The following ERC1 variants were observed in gnomAD, a reference collection of about 807,000 sequenced individuals.
The protein encoded by ERC1 is ELKS/RAB6-interacting/CAST family member 1.
ERC1 carries 56 observed loss-of-function variants against 132.0 expected under a neutral mutation model. That is an observed-to-expected ratio of 0.42 (90% confidence interval 0.34 to 0.53). The LOEUF (loss-of-function observed/expected upper bound fraction) is 0.53, where lower values mean the gene tolerates loss of function less well. Ranked by LOEUF, ERC1 falls within the 20% of genes least tolerant of loss-of-function variation. ERC1 has a pLI of 0.03. For missense variants in ERC1, 1,202 were observed against 1,349.9 expected (o/e 0.89, Z 1.72); for synonymous variants, 478 against 476.1 (o/e 1.00, Z -0.05).
In ERC1 at chr12:1,160,953, C is replaced by T. The variant is rs560481919; in HGVS notation, c.1737+19166C>T. On this transcript the variant is annotated intron_variant, in intron 8 of 18. Transcript: ENST00000360905. The stretch of plus-strand genomic sequence containing the variant: ...TGAACCACCTCAGGACCACCACCTA[C>T]ACATATTTTCCTAGCGTTCTAAGCA... Among the ~76,000 whole-genome samples the T allele has an allele frequency of 1.5e-4, 23 of 152,310 alleles. No individual in the cohort carries two copies. The South Asian group carries it at 3.3e-3, about 22-fold the overall frequency.
At chr12:1,139,771 C>T (rs555703146) in intron 7 of ERC1, among the ~76,000 whole-genome samples, 2 of 145,188 alleles carry the variant, frequency 1.4e-5, no homozygotes, top group Non-Finnish European at 3.0e-5. Context: ...GAAAACAAAA[C>T]AAAACAAAAA....
intron 4 of ERC1, among the ~76,000 whole-genome samples, chr12:1,106,350 ACTT>A (rs987890430): frequency 6.6e-5 from 10 of 152,216 alleles, no homozygotes; most frequent in African/African-American, 2.4e-4. Flanking sequence ...CCCCACAACT[ACTT>A]CTTCATATCC....
chr12:1,353,204 G>A (rs2085193799), intron 15 of ERC1, among the ~76,000 whole-genome samples: 1 of 151,830 alleles, frequency 6.6e-6, no homozygotes, highest in African/African-American at 2.4e-5. Context: ...CTAATTTTTT[G>A]TATTTGTAGT....
intron 16 of ERC1, among the ~76,000 whole-genome samples, chr12:1,393,478 G>A (rs909532315): frequency 1.3e-5 from 2 of 152,194 alleles, no homozygotes; most frequent in African/African-American, 4.8e-5. Flanking sequence ...AGGCTGCAGT[G>A]AGCTATGATT....
At chr12:1,306,169 C>T (rs188066358) in intron 15 of ERC1, among the ~76,000 whole-genome samples, 4 of 152,306 alleles carry the variant, frequency 2.6e-5, no homozygotes, top group Non-Finnish European at 5.9e-5. Context: ...CTCAGAGTTC[C>T]ATTCTACCTC....
intron 12 of ERC1, among the ~76,000 whole-genome samples, chr12:1,231,729 T>C (rs1341033680): frequency 6.6e-6 from 1 of 152,110 alleles, no homozygotes; most frequent in African/African-American, 2.4e-5. Flanking sequence ...ATTATTTGTT[T>C]CTCAGAGAAG....
At chr12:1,456,758 G>A (rs2093546344) in intron 18 of ERC1, among the ~76,000 whole-genome samples, 1 of 151,970 alleles carries the variant, frequency 6.6e-6, no homozygotes, top group African/African-American at 2.4e-5. Context: ...TACTCCAGAT[G>A]CAGTGAGTGG....
At chr12:1,397,850 AAAAC>A (rs1263390133) in intron 16 of ERC1, among the ~76,000 whole-genome samples, 2 of 152,100 alleles carry the variant, frequency 1.3e-5, no homozygotes, top group African/African-American at 4.8e-5. Flanking sequence ...TTGAAATTTA[AAAAC>A]AAACAGAAAC....
chr12:1,216,528 T>G (rs1211777091), intron 12 of ERC1, among the ~76,000 whole-genome samples: 1 of 149,702 alleles, frequency 6.7e-6, no homozygotes, highest in Non-Finnish European at 1.5e-5. Flanking sequence ...ATATGCATTT[T>G]CATATGCTAT....
At chr12:1,163,201 T>C (rs1480218988) in intron 8 of ERC1, among the ~76,000 whole-genome samples, 1 of 152,224 alleles carries the variant, frequency 6.6e-6, no homozygotes. Flanking sequence ...TAAATGATGC[T>C]GATCCTATAC....
At chr12:1,264,920 T>C (rs931144326) in intron 14 of ERC1, among the ~76,000 whole-genome samples, 12 of 152,150 alleles carry the variant, frequency 7.9e-5, no homozygotes, top group African/African-American at 2.7e-4. Context: ...GGGAGTCCCT[T>C]CATAGCTGTG....
chr12:1,000,102 A>T (rs1210486832), intron 1 of ERC1, among the ~76,000 whole-genome samples: 5 of 152,162 alleles, frequency 3.3e-5, no homozygotes, highest in African/African-American at 7.2e-5. Context: ...ATGAATAGAT[A>T]ATTTTTATGT....
Position 1,239,097 on chromosome 12 carries a change from TTC to T in ERC1, c.2487+2195_2487+2196del, listed in dbSNP as rs2075622596. On this transcript the variant is annotated intron_variant, in intron 13 of 18. Transcript: ENST00000360905. ...TAACTACTCAGTTACTTAAGTATAT[TTC>T]TGTTTGTTTATTTATTTATTTACTT... Among the ~76,000 whole-genome samples the T allele has an allele frequency of 3.3e-5, 5 of 152,238 alleles. No individual in the cohort carries two copies. In the East Asian group the frequency reaches 9.7e-4, roughly 29 times the overall value.
chr12:1,244,143 A>G (rs1229498031), intron 13 of ERC1, among the ~76,000 whole-genome samples: 1 of 152,224 alleles, frequency 6.6e-6, no homozygotes, highest in East Asian at 1.9e-4. Flanking sequence ...ATTGAAGTTA[A>G]TATACCACGT....
chr12:1,479,658 G>A (rs568201879), intron 18 of ERC1, among the ~76,000 whole-genome samples: 1 of 152,306 alleles, frequency 6.6e-6, no homozygotes, highest in Non-Finnish European at 1.5e-5. Context: ...TTCAGGACGG[G>A]CAGGATTCAG....
intron 17 of ERC1, among the ~76,000 whole-genome samples, chr12:1,420,754 C>A (rs564334323): frequency 6.6e-6 from 1 of 152,106 alleles, no homozygotes; most frequent in African/African-American, 2.4e-5. Flanking sequence ...CATGCCTGGC[C>A]GAGGTTAAAC....
chr12:1,201,145 A>G (rs1405876317), intron 12 of ERC1, among the ~76,000 whole-genome samples: 2 of 152,208 alleles, frequency 1.3e-5, no homozygotes, highest in African/African-American at 2.4e-5. Context: ...AAAAGTGTAG[A>G]TAACTTTCCC....
intron 1 of ERC1, among the ~76,000 whole-genome samples, chr12:1,022,719 G>A (rs1400062756): frequency 6.6e-6 from 1 of 152,132 alleles, no homozygotes; most frequent in African/African-American, 2.4e-5. Context: ...AGGCTTGAGT[G>A]CAGTGGCATA....
intron 18 of ERC1, among the ~76,000 whole-genome samples, chr12:1,478,520 G>A (rs144471733): frequency 5.3e-5 from 8 of 152,258 alleles, no homozygotes; most frequent in South Asian, 2.1e-4. Context: ...CCGGCCGGGC[G>A]CGGTGGCTCA....
Sources: allele counts gnomAD v4.1 joint callset (sites outside exome capture counted in the v4.1 genomes callset), GRCh38; gene constraint gnomAD v4.1.1; transcripts MANE v1.5; gene names NCBI Gene and HGNC (gene_info 2026-07-23, HGNC 2026-07-21).